The following TTC29 variants were observed in gnomAD, a reference collection of about 807,000 sequenced individuals.
TTC29 encodes tetratricopeptide repeat protein 29.
TTC29 carries 49 observed loss-of-function variants against 58.1 expected under a neutral mutation model. The ratio of observed to expected loss-of-function variants is 0.84; its 90% confidence interval spans 0.67 to 1.07. The LOEUF is 1.07. Ranked by LOEUF, TTC29 falls within the 50% of genes least tolerant of loss-of-function variation. TTC29 has a pLI of 0.00. For synonymous variants in TTC29, 209 were observed against 196.8 expected (o/e 1.06, Z -0.52); for missense variants, 582 against 555.6 (o/e 1.05, Z -0.48).
At chr4:146,802,306 C>T (rs530714387) in intron 11 of TTC29, among the ~76,000 whole-genome samples, 1 of 152,246 alleles carries the variant, frequency 6.6e-6, no homozygotes, top group African/African-American at 2.4e-5. Context: ...TACGTGATGA[C>T]AAGACAGCAT....
At chr4:146,871,305 T>A (rs537615677) in intron 7 of TTC29, among the ~76,000 whole-genome samples, 2 of 151,976 alleles carry the variant, frequency 1.3e-5, no homozygotes, top group African/African-American at 4.8e-5. Context: ...TTAAAAACCC[T>A]CAACAAACTT....
intron 11 of TTC29, 117 bp downstream of exon 11, chr4:146,803,340 A>T: frequency 1.3e-6 from 1 of 753,864 alleles, no homozygotes; most frequent in East Asian, 2.7e-5. Context: ...GATCCATAAA[A>T]TTGAAATTAC....
chr4:146,803,350 C>T, intron 11 of TTC29, 107 bp downstream of exon 11: 1 of 801,000 alleles, frequency 1.2e-6, no homozygotes, highest in Middle Eastern at 3.8e-4. Context: ...ATTGAAATTA[C>T]CAATCAAATT....
chr4:146,770,119 GA>G (rs1007558712), intron 11 of TTC29, among the ~76,000 whole-genome samples: 197 of 150,046 alleles, frequency 1.3e-3, no homozygotes, highest in African/African-American at 4.5e-3. Flanking sequence ...GGGAACTTTA[GA>G]AAAAAAAAAT....
chr4:146,875,822 C>T (rs10434196), intron 6 of TTC29, among the ~76,000 whole-genome samples: 18,913 of 152,182 alleles, frequency 0.12, 1,462 homozygotes, highest in East Asian at 0.2. Context: ...GCTAAAATTC[C>T]AAATTAGCTG....
intron 11 of TTC29, among the ~76,000 whole-genome samples, chr4:146,800,911 G>A (rs772620691): frequency 2.1e-4 from 32 of 152,184 alleles, no homozygotes; most frequent in Non-Finnish European, 3.2e-4. Context: ...TGAAAAGCGA[G>A]TGGAGAGAAA....
At chr4:146,780,316 T>TGC (rs1226511449) in intron 11 of TTC29, among the ~76,000 whole-genome samples, 7 of 150,634 alleles carry the variant, frequency 4.6e-5, no homozygotes, top group African/African-American at 1.7e-4. Context: ...TGTGTGTGTG[T>TGC]GTGTGTGTGT....
At chr4:146,846,726 T>TATATTTCCA in intron 8 of TTC29, among the ~76,000 whole-genome samples, 1 of 152,320 alleles carries the variant, frequency 6.6e-6, no homozygotes, top group East Asian at 1.9e-4. Flanking sequence ...CCACATGAAC[T>TATATTTCCA]GATTACCATG....
Position 146,939,865 on chromosome 4 carries a change from G to A in TTC29, c.31C>T (p.Arg11Cys), listed in dbSNP as rs374599032. The A allele has an allele frequency of 8.9e-5, 143 of 1,613,396 alleles. No homozygotes were observed. Among genetic ancestry groups the A allele is most frequent in the Non-Finnish European group, 1.1e-4 (128 of 1,179,694 alleles). Reference protein sequence around the residue: MTTLPPLPMTRPKLTALARQK... With the variant: MTTLPPLPMTCPKLTALARQK... ...CTGGCTAAGGCTGTAAGCTTCGGGCGTGTCATGGGCAGTGGGGGCAGGGTG... is the reference window on the plus strand; with the variant it reads ...CTGGCTAAGGCTGTAAGCTTCGGGCATGTCATGGGCAGTGGGGGCAGGGTG... The change falls in exon 3 of 13, where the codon CGC becomes TGC. Residue 11 changes from arginine to cysteine, a missense_variant. Arg to Cys is a radical substitution (Grantham distance 180, BLOSUM62 -3). Coordinates refer to ENST00000325106, the MANE Select transcript of TTC29 (RefSeq NM_031956.4).
intron 2 of TTC29, among the ~76,000 whole-genome samples, chr4:146,943,599 C>A (rs115338069): frequency 6.6e-6 from 1 of 152,140 alleles, no homozygotes; most frequent in African/African-American, 2.4e-5. Flanking sequence ...AGAATCAATA[C>A]GTGGCCACAT....
At chr4:146,774,336 ATCTT>A (rs1003766052) in intron 11 of TTC29, among the ~76,000 whole-genome samples, 4 of 151,988 alleles carry the variant, frequency 2.6e-5, no homozygotes, top group African/African-American at 7.3e-5. Flanking sequence ...TTAATGAGAG[ATCTT>A]TCTAATTTTT....
chr4:146,810,248 C>T (rs1336175872), intron 10 of TTC29, among the ~76,000 whole-genome samples: 1 of 151,968 alleles, frequency 6.6e-6, no homozygotes, highest in Non-Finnish European at 1.5e-5. Flanking sequence ...CATCACATAC[C>T]TGTTGGGGAC....
intron 11 of TTC29, among the ~76,000 whole-genome samples, chr4:146,738,790 T>TG (rs542101101): frequency 6.6e-5 from 10 of 152,160 alleles, no homozygotes; most frequent in African/African-American, 2.4e-4. Context: ...CCTTATACTC[T>TG]GGGGGAAGGA....
chr4:146,822,906 G>A (rs908487504), intron 9 of TTC29, among the ~76,000 whole-genome samples: 1 of 152,118 alleles, frequency 6.6e-6, no homozygotes, highest in African/African-American at 2.4e-5. Context: ...GTCTTCTTTT[G>A]AGAAGTGTCT....
At chr4:146,833,262 G>A (rs540955276) in intron 9 of TTC29, among the ~76,000 whole-genome samples, 3 of 152,300 alleles carry the variant, frequency 2.0e-5, no homozygotes, top group African/African-American at 7.2e-5. Flanking sequence ...AAGGGTGAAT[G>A]ATATATCTTC....
At chr4:146,721,153 A>T (rs1743326046) in intron 11 of TTC29, among the ~76,000 whole-genome samples, 1 of 152,136 alleles carries the variant, frequency 6.6e-6, no homozygotes, top group African/African-American at 2.4e-5. Flanking sequence ...ACAAATACTG[A>T]CTTTAAAGGA....
rs1347029205 is a variant in TTC29, at chr4:146,903,606, A to G, written c.524T>C (p.Ile175Thr). 5 of 1,612,544 alleles carry G rather than the reference A, an allele frequency of 3.1e-6. No individual in the cohort carries two copies. The highest frequency in any genetic ancestry group is 1.7e-5 in the Admixed American group (1 of 59,828). ...RCFKIAQLIKIDCGKKEAEAH... is the reference protein window; with the variant it reads ...RCFKIAQLIKTDCGKKEAEAH... ...CTCGGCTTCTTTCTTCCCACAGTCAATTTTGATCAGCTGAGCAATCTTAAA... is the reference window on the plus strand; with the variant it reads ...CTCGGCTTCTTTCTTCCCACAGTCAGTTTTGATCAGCTGAGCAATCTTAAA... Residue 175 changes from isoleucine (I) to threonine (T), a missense_variant, in exon 6 of 13, where the codon ATT becomes ACT. Coordinates refer to ENST00000325106, the MANE Select transcript of TTC29 (RefSeq NM_031956.4).
chr4:146,739,056 T>G (rs946837312), intron 11 of TTC29, among the ~76,000 whole-genome samples: 3 of 152,236 alleles, frequency 2.0e-5, no homozygotes. Context: ...TTAAAATTTG[T>G]TTAGAAAATA....
At chr4:146,774,671 C>T (rs1223747849) in intron 11 of TTC29, among the ~76,000 whole-genome samples, 1 of 152,006 alleles carries the variant, frequency 6.6e-6, no homozygotes, top group East Asian at 1.9e-4. Flanking sequence ...GCACCATGTG[C>T]AGAGGAGGAG....
Sources: allele counts gnomAD v4.1 joint callset (sites outside exome capture counted in the v4.1 genomes callset), GRCh38; gene constraint gnomAD v4.1.1; transcripts MANE v1.5; gene names NCBI Gene and HGNC (gene_info 2026-07-23, HGNC 2026-07-21).